Variants in LRRFIP1 observed in about 807,000 individuals in gnomAD.
LRRFIP1 encodes LRR binding FLII interacting protein 1.
Under a neutral mutation model 104.4 loss-of-function variants are expected in LRRFIP1, and 62 were observed. The observed-to-expected ratio is 0.59, with a 90% CI of 0.48 to 0.73. The LOEUF is 0.73. Among genes scored for constraint, LRRFIP1 ranks in the 30% least tolerant of loss-of-function variants. LRRFIP1 has a pLI of 0.00. For missense variants in LRRFIP1, 796 were observed against 824.5 expected (o/e 0.97, Z 0.42); for synonymous variants, 300 against 299.0 (o/e 1.00, Z -0.03).
chr2:237,674,979 G>A (rs1458549082), intron 1 of LRRFIP1, among the ~76,000 whole-genome samples: 1 of 152,250 alleles, frequency 6.6e-6, no homozygotes, highest in Non-Finnish European at 1.5e-5. Flanking sequence ...CCTGGGCAGT[G>A]GGAGGAGGGA....
rs754623648 is a variant in LRRFIP1, at chr2:237,655,134, G to A, written c.96+27394G>A. On this transcript the variant is annotated intron_variant, in intron 1 of 23. Coordinates refer to ENST00000308482, the MANE Select transcript of LRRFIP1 (RefSeq NM_001137550.2). ...TTTTTTTTTTTTTTTTTTTTGAGAC[G>A]GAGTCTCGCTCTGTCGCCCAGGCTG... Among the ~76,000 whole-genome samples the A allele has an allele frequency of 2.0e-4, 10 of 48,808 alleles. 2 individuals carry two copies. Among genetic ancestry groups the A allele is most frequent in the Non-Finnish European group, 3.7e-4 (9 of 24,460 alleles). 32.0% of individuals were successfully genotyped at this position (48,808 alleles called of 152,430 possible). A position where few individuals can be genotyped will look rare whatever the true frequency, so the allele number is the denominator to read the frequency against.
At chr2:237,693,944 G>C (rs1211093391) in intron 1 of LRRFIP1, among the ~76,000 whole-genome samples, 6 of 152,206 alleles carry the variant, frequency 3.9e-5, no homozygotes, top group Admixed American at 3.3e-4. Flanking sequence ...GGGAGGAAGG[G>C]AGAGGAAAGT....
chr2:237,778,946 G>A (rs1329811425), intron 23 of LRRFIP1, among the ~76,000 whole-genome samples: 4 of 149,726 alleles, frequency 2.7e-5, no homozygotes, highest in East Asian at 2.0e-4. Flanking sequence ...AAAAGAGGCC[G>A]AGCGTGGTGG....
In LRRFIP1 at chr2:237,779,817, G is replaced by A. The variant is rs745889620; in HGVS notation, c.*285G>A. The A allele has an allele frequency of 6.2e-5, 14 of 227,096 alleles. No homozygotes were observed. The highest frequency in any genetic ancestry group is 3.5e-5 in the Non-Finnish European group (4 of 113,850). The allele number at this position is 227,096 out of a possible 1,614,324, so 14.1% of individuals were successfully genotyped here. ...CCTCGAGGGAGCTCTGTGTCTGACC[G>A]CACAGCAGCCTCTGAATGCCGCTGG... On this transcript the variant is annotated 3_prime_UTR_variant, in exon 24 of 24. Transcript: ENST00000308482.
chr2:237,778,526 C>T (rs1299541407), intron 23 of LRRFIP1, among the ~76,000 whole-genome samples: 2 of 152,238 alleles, frequency 1.3e-5, no homozygotes, highest in Non-Finnish European at 2.9e-5. Context: ...TGGACTCTGG[C>T]TGCCAGGGCT....
At chr2:237,723,168 G>T (rs75610060) in intron 6 of LRRFIP1, among the ~76,000 whole-genome samples, 1,696 of 152,264 alleles carry the variant, frequency 0.011, 22 homozygotes, top group African/African-American at 0.037. Context: ...AATTTCTCGA[G>T]TTTAGATTTT....
intron 1 of LRRFIP1, among the ~76,000 whole-genome samples, chr2:237,689,286 A>C (rs184537298): frequency 5.3e-5 from 8 of 152,266 alleles, no homozygotes; most frequent in African/African-American, 1.9e-4. Flanking sequence ...AACACCAAGA[A>C]AGATGTATTA....
rs948062076 is a variant in LRRFIP1, at chr2:237,779,592, C to A, written c.*60C>A. On this transcript the variant is annotated 3_prime_UTR_variant, in exon 24 of 24. Coordinates refer to ENST00000308482, the MANE Select transcript of LRRFIP1 (RefSeq NM_001137550.2). Reference sequence around the variant, plus strand: ...GGAGAGCATTGTTTCATAGGCTTTTCTCTGTCCTATCTGGGAGCGCTGCTT... The same window carrying A: ...GGAGAGCATTGTTTCATAGGCTTTTATCTGTCCTATCTGGGAGCGCTGCTT... 67 of 1,437,100 alleles carry A rather than the reference C, an allele frequency of 4.7e-5. 1 individual carries two copies. In the Middle Eastern group the frequency reaches 9.0e-4, roughly 19 times the overall value. The allele number at this position is 1,437,100 out of a possible 1,614,324, so 89.0% of individuals were successfully genotyped here. A position where few individuals can be genotyped will look rare whatever the true frequency, so the allele number is the denominator to read the frequency against.
At chr2:237,688,295 G>T (rs2092522075) in intron 1 of LRRFIP1, among the ~76,000 whole-genome samples, 1 of 152,132 alleles carries the variant, frequency 6.6e-6, no homozygotes, top group Non-Finnish European at 1.5e-5. Context: ...TTTGGAAGGG[G>T]CCATAAATTC....
rs1461256726 is a variant in LRRFIP1, at chr2:237,691,937, C to T, written c.97-16607C>T. Among the ~76,000 whole-genome samples, 1 of 117,006 alleles carries T rather than the reference C, an allele frequency of 8.5e-6. No homozygotes were observed. Among genetic ancestry groups the T allele is most frequent in the Non-Finnish European group, 1.8e-5 (1 of 56,634 alleles). 76.8% of individuals were successfully genotyped at this position (117,006 alleles called of 152,430 possible). On this transcript the variant is annotated intron_variant, in intron 1 of 23. Coordinates refer to ENST00000308482, the MANE Select transcript of LRRFIP1 (RefSeq NM_001137550.2). The surrounding 1 kb of genome is among the most constrained non-coding windows in gnomAD (Gnocchi z 5.4). ...CGGGGCGGGGCTCGCGTTAAGGGAG[C>T]GCGGAAGGGCGGGACAGGCCGTGGG...
Position 237,701,591 on chromosome 2 carries a change from G to A in LRRFIP1, c.97-6953G>A, listed in dbSNP as rs574248921. 3.3e-5 allele frequency among the ~76,000 whole-genome samples: 5 copies of A among 152,342 alleles called. No individual in the cohort carries two copies. The South Asian group carries it at 8.3e-4, about 25-fold the overall frequency. On this transcript the variant is annotated intron_variant, in intron 1 of 23. Transcript: ENST00000308482. Reference sequence around the variant, plus strand: ...AGTTCCCTGACCCGGAAGAAGGGACGGCCATTATCTTTGGGTGACTGTCTT... The same window carrying A: ...AGTTCCCTGACCCGGAAGAAGGGACAGCCATTATCTTTGGGTGACTGTCTT...
intron 1 of LRRFIP1, chr2:237,692,074 G>A (rs1575521071): frequency 3.8e-6 from 2 of 522,396 alleles, no homozygotes; most frequent in East Asian, 1.6e-4. Flanking sequence ...CATGGGGCGG[G>A]GGCGGTGGGG....
intron 1 of LRRFIP1, among the ~76,000 whole-genome samples, chr2:237,670,294 C>A (rs2090130965): frequency 1.3e-5 from 2 of 152,224 alleles, no homozygotes; most frequent in African/African-American, 4.8e-5. Context: ...GGGCAGGTCA[C>A]TGGTCAAGCC....
At chr2:237,672,949 T>C (rs2149558750) in intron 1 of LRRFIP1, among the ~76,000 whole-genome samples, 1 of 152,358 alleles carries the variant, frequency 6.6e-6, no homozygotes, top group Admixed American at 6.5e-5. Context: ...GTTTCCATTC[T>C]TCACGAAGCA....
At chr2:237,771,392 C>T (rs923756351) in intron 20 of LRRFIP1, among the ~76,000 whole-genome samples, 2 of 151,576 alleles carry the variant, frequency 1.3e-5, no homozygotes, top group African/African-American at 2.4e-5. Flanking sequence ...ACTGAATCCA[C>T]ACAAATGAAG....
intron 1 of LRRFIP1, among the ~76,000 whole-genome samples, chr2:237,690,252 C>T (rs2092674803): frequency 6.6e-6 from 1 of 152,100 alleles, no homozygotes; most frequent in Admixed American, 6.6e-5. Context: ...TGTTGAGTAG[C>T]TTTAGAATCT....
At chr2:237,683,201 A>G (rs2092020804) in intron 1 of LRRFIP1, among the ~76,000 whole-genome samples, 1 of 152,206 alleles carries the variant, frequency 6.6e-6, no homozygotes, top group Admixed American at 6.5e-5. Context: ...AACGGGGTGG[A>G]GACAAGGGGC....
intron 1 of LRRFIP1, among the ~76,000 whole-genome samples, chr2:237,677,185 C>T (rs145229446): frequency 3.9e-5 from 6 of 152,294 alleles, no homozygotes; most frequent in Middle Eastern, 3.4e-3. Context: ...CCCCATTAAA[C>T]GCTGACTCCC....
chr2:237,670,948 C>T (rs545350487), intron 1 of LRRFIP1, among the ~76,000 whole-genome samples: 4 of 152,190 alleles, frequency 2.6e-5, no homozygotes, highest in Non-Finnish European at 5.9e-5. Flanking sequence ...GGGAGTCCCA[C>T]GGAGGTCGTG....
Sources: gnomAD v4.1 joint callset for allele counts (sites outside exome capture counted in the v4.1 genomes callset) on GRCh38, gnomAD v4.1.1 for gene constraint, Gnocchi (gnomAD v3.1) non-coding constraint, MANE v1.5 for transcripts, NCBI Gene and HGNC (gene_info 2026-07-23, HGNC 2026-07-21) for gene names.